Variants in PSMB2 observed in about 807,000 individuals in gnomAD.
PSMB2 encodes the protein proteasome 20S subunit beta 2.
A neutral mutation model predicts 25.7 loss-of-function variants in PSMB2; 13 were observed. The ratio of observed to expected loss-of-function variants is 0.51; its 90% confidence interval spans 0.33 to 0.80. The LOEUF is 0.80. Ranked by LOEUF, PSMB2 falls within the 30% of genes least tolerant of loss-of-function variation. The pLI, the probability that PSMB2 is intolerant of heterozygous loss-of-function variation, is 0.02. For synonymous variants in PSMB2, 87 were observed against 96.2 expected, an observed-to-expected ratio of 0.90 and a Z score of 0.56; for missense variants, 202 against 259.0, an observed-to-expected ratio of 0.78 and a Z score of 1.51.
At chr1:35,608,076 C>T (rs999781610) in intron 4 of PSMB2, among the ~76,000 whole-genome samples, 1 of 152,104 alleles carries the variant, frequency 6.6e-6, no homozygotes, top group Non-Finnish European at 1.5e-5. Flanking sequence ...TTAAAAGATA[C>T]GAAATTGGCA....
intron 3 of PSMB2, among the ~76,000 whole-genome samples, chr1:35,612,786 T>C (rs554451660): frequency 6.6e-6 from 1 of 152,340 alleles, no homozygotes; most frequent in African/African-American, 2.4e-5. Flanking sequence ...GACAATTTCA[T>C]CAAGTTGCAA....
At position 35,600,808 on chromosome 1, in the gene PSMB2, T is replaced by A; in HGVS notation, c.*2459A>T. 1 of 985,448 alleles carries A rather than the reference T, an allele frequency of 1.0e-6. No homozygotes were observed. Among genetic ancestry groups the A allele is most frequent in the Non-Finnish European group, 1.2e-6 (1 of 829,952 alleles). The allele number at this position is 985,448 out of a possible 1,614,324, so 61.0% of individuals were successfully genotyped here. ...ACTTACATTCAAAGGCAGAGAACCGTATGTCATCCCTGGTGAGGCCTGAAT... is the reference window on the plus strand; with the variant it reads ...ACTTACATTCAAAGGCAGAGAACCGAATGTCATCCCTGGTGAGGCCTGAAT... On this transcript the variant is annotated 3_prime_UTR_variant, in exon 6 of 6. Coordinates refer to ENST00000373237, the MANE Select transcript of PSMB2 (RefSeq NM_002794.5).
At position 35,600,985 on chromosome 1, in the gene PSMB2, A is replaced by C. The variant is rs1649975524; in HGVS notation, c.*2282T>G. On this transcript the variant is annotated 3_prime_UTR_variant, in exon 6 of 6. Coordinates refer to ENST00000373237, the MANE Select transcript of PSMB2 (RefSeq NM_002794.5). ...TTTCAGTCATTGTACAGATGGGAAA[A>C]TCATGTAGCAGGATAGTCTGTGCTT... 2 of 984,930 alleles carry C rather than the reference A, an allele frequency of 2.0e-6. No individual in the cohort carries two copies. Among genetic ancestry groups the C allele is most frequent in the South Asian group, 4.7e-5 (1 of 21,274 alleles). The allele number at this position is 984,930 out of a possible 1,614,324, so 61.0% of individuals were successfully genotyped here.
Position 35,601,637 on chromosome 1 carries a change from A to C in PSMB2, c.*1630T>G. 1 of 985,044 alleles carries C rather than the reference A, an allele frequency of 1.0e-6. No individual in the cohort carries two copies. The highest frequency in any genetic ancestry group is 1.2e-6 in the Non-Finnish European group (1 of 829,550). 61.0% of individuals were successfully genotyped at this position (985,044 alleles called of 1,614,324 possible). ...CGTTATGATCAGTAGGTAGTATCTT[A>C]GATGATACATTTAATCACAGACAAA... On this transcript the variant is annotated 3_prime_UTR_variant, in exon 6 of 6. Coordinates refer to ENST00000373237, the MANE Select transcript of PSMB2 (RefSeq NM_002794.5).
In PSMB2 at chr1:35,601,682, T is replaced by A; in HGVS notation, c.*1585A>T. 1 of 985,396 alleles carries A rather than the reference T, an allele frequency of 1.0e-6. No individual in the cohort carries two copies. Among genetic ancestry groups the A allele is most frequent in the Non-Finnish European group, 1.2e-6 (1 of 829,892 alleles). The allele number at this position is 985,396 out of a possible 1,614,324, so 61.0% of individuals were successfully genotyped here. On this transcript the variant is annotated 3_prime_UTR_variant, in exon 6 of 6. Transcript: ENST00000373237. Reference sequence around the variant, plus strand: ...GACAAAACAAAAACCTATCTGTATATGATATTAAGAGGAGCACAGAATTGG... The same window carrying A: ...GACAAAACAAAAACCTATCTGTATAAGATATTAAGAGGAGCACAGAATTGG...
intron 3 of PSMB2, among the ~76,000 whole-genome samples, chr1:35,623,990 C>T (rs1650773761): frequency 6.6e-6 from 1 of 152,102 alleles, no homozygotes; most frequent in Admixed American, 6.5e-5. Flanking sequence ...TTCTCATGGT[C>T]AGAATAGAAG....
chr1:35,617,343 C>T (rs978160333), intron 3 of PSMB2, among the ~76,000 whole-genome samples: 2 of 152,108 alleles, frequency 1.3e-5, no homozygotes, highest in Non-Finnish European at 2.9e-5. Context: ...CCATCATGCC[C>T]GGCCTTGTAC....
intron 3 of PSMB2, among the ~76,000 whole-genome samples, chr1:35,620,273 T>A (rs1263307775): frequency 6.6e-6 from 1 of 152,186 alleles, no homozygotes; most frequent in African/African-American, 2.4e-5. Flanking sequence ...AAAGACTATT[T>A]AGGAGCCCTT....
intron 3 of PSMB2, among the ~76,000 whole-genome samples, chr1:35,621,708 C>T (rs765526969): frequency 3.3e-5 from 5 of 152,066 alleles, no homozygotes; most frequent in African/African-American, 7.2e-5. Flanking sequence ...AACTCATACA[C>T]ATAAAAATGC....
intron 3 of PSMB2, among the ~76,000 whole-genome samples, chr1:35,627,512 T>G (rs184508290): frequency 4.9e-4 from 75 of 151,852 alleles, no homozygotes; most frequent in African/African-American, 1.7e-3. Context: ...CCAGGCATAG[T>G]GGTATGCACC....
rs869040203 is a variant in PSMB2 at position 35,628,596 on chromosome 1, AATATATATAT to A, written c.285+2668_285+2677del. ...CTTGGAAGAAAAAAAAAAAAAAAAA[AATATATATAT>A]ATATATATATATATATATATATATA... On this transcript the variant is annotated intron_variant, in intron 3 of 5. Transcript: ENST00000373237. Among the ~76,000 whole-genome samples the A allele has an allele frequency of 1.6e-3, 41 of 25,094 alleles. 1 individual carries two copies. Among genetic ancestry groups the A allele is most frequent in the South Asian group, 0.01 (4 of 400 alleles). 16.5% of individuals were successfully genotyped at this position (25,094 alleles called of 152,430 possible).
intron 3 of PSMB2, among the ~76,000 whole-genome samples, chr1:35,629,481 T>C (rs1651025335): frequency 6.6e-6 from 1 of 152,334 alleles, no homozygotes; most frequent in Non-Finnish European, 1.5e-5. Flanking sequence ...GGAACAATGC[T>C]GTATGCTTTG....
chr1:35,625,002 AGT>A (rs777438268), intron 3 of PSMB2, among the ~76,000 whole-genome samples: 2 of 151,722 alleles, frequency 1.3e-5, no homozygotes, highest in African/African-American at 2.4e-5. Flanking sequence ...TGGAGGTTGC[AGT>A]GTGCTGAGAT....
intron 1 of PSMB2, among the ~76,000 whole-genome samples, chr1:35,637,201 A>G (rs974453611): frequency 6.6e-6 from 1 of 152,232 alleles, no homozygotes; most frequent in Non-Finnish European, 1.5e-5. Flanking sequence ...TATGAAAAGG[A>G]CTGGTGCTAT....
chr1:35,605,932 C>T (rs1173394153), intron 4 of PSMB2, among the ~76,000 whole-genome samples: 1 of 152,172 alleles, frequency 6.6e-6, no homozygotes, highest in Non-Finnish European at 1.5e-5. Context: ...CAGGCTAATT[C>T]TTTTCAGGAT....
chr1:35,639,211 G>A (rs569045847), intron 1 of PSMB2, among the ~76,000 whole-genome samples: 34 of 152,204 alleles, frequency 2.2e-4, no homozygotes, highest in Admixed American at 5.2e-4. Context: ...CCGAGATCGC[G>A]CCATTGCACT....
At chr1:35,621,012 A>AT (rs1650665760) in intron 3 of PSMB2, among the ~76,000 whole-genome samples, 1 of 151,780 alleles carries the variant, frequency 6.6e-6, no homozygotes, top group African/African-American at 2.4e-5. Flanking sequence ...ATAAATAAAT[A>AT]AATATATATA....
chr1:35,602,818 C>A lies in PSMB2; in HGVS notation c.*449G>T. 7.6e-6 allele frequency: 6 copies of A among 786,358 alleles called. No individual in the cohort carries two copies. Among genetic ancestry groups the A allele is most frequent in the Non-Finnish European group, 9.3e-6 (6 of 647,924 alleles). 48.7% of individuals were successfully genotyped at this position (786,358 alleles called of 1,614,324 possible). A position where few individuals can be genotyped will look rare whatever the true frequency, so the allele number is the denominator to read the frequency against. ...GCTCTGGAAGAAATATTTTTCACTACATGTTTTTGTACTGTTTGCATGTTA... is the reference window on the plus strand; with the variant it reads ...GCTCTGGAAGAAATATTTTTCACTAAATGTTTTTGTACTGTTTGCATGTTA... On this transcript the variant is annotated 3_prime_UTR_variant, in exon 6 of 6. Transcript: ENST00000373237.
chr1:35,611,339 G>T (rs940443908), intron 3 of PSMB2, among the ~76,000 whole-genome samples: 2 of 151,824 alleles, frequency 1.3e-5, no homozygotes, highest in African/African-American at 4.8e-5. Flanking sequence ...TGCTTTTTTT[G>T]GGGGGAGGGG....
Sources: gnomAD v4.1 joint callset for allele counts (sites outside exome capture counted in the v4.1 genomes callset) on GRCh38, gnomAD v4.1.1 for gene constraint, MANE v1.5 for transcripts, NCBI Gene and HGNC (gene_info 2026-07-23, HGNC 2026-07-21) for gene names.